FOXJ3: variants seen among roughly 807,000 people sequenced by gnomAD.
FOXJ3 encodes the protein forkhead box protein J3.
Under a neutral mutation model 76.1 loss-of-function variants are expected in FOXJ3, and 22 were observed. That is an observed-to-expected ratio of 0.29 (90% CI 0.21 to 0.41). FOXJ3 has a LOEUF of 0.41. FOXJ3 is among the 10% of genes least tolerant of loss of function. FOXJ3 has a pLI of 1.00. For missense variants in FOXJ3, 613 were observed against 762.1 expected (o/e 0.80, Z 2.30); for synonymous variants, 269 against 261.2 (o/e 1.03, Z -0.29).
intron 4 of FOXJ3, among the ~76,000 whole-genome samples, chr1:42,255,126 A>C (rs551106882): frequency 2.0e-5 from 3 of 152,344 alleles, no homozygotes; most frequent in African/African-American, 4.8e-5. Flanking sequence ...ACAAATCCTA[A>C]GACGGGATTT....
In FOXJ3 at chr1:42,331,518, T is replaced by C. The variant is rs1305011638; in HGVS notation, c.-18+3541A>G. On this transcript the variant is annotated intron_variant, in intron 1 of 12. Coordinates refer to ENST00000361346, the MANE Select transcript of FOXJ3 (RefSeq NM_014947.5). ...GAATGAAATACTGATACATGCTACA[T>C]GGATGGGCCTTGAAACATATGCAAG... Among the ~76,000 whole-genome samples, 6 of 152,230 alleles carry C rather than the reference T, an allele frequency of 3.9e-5. No homozygotes were observed. The East Asian group carries it at 9.6e-4, about 24-fold the overall frequency.
At chr1:42,221,037 T>C (rs1247462129) in intron 5 of FOXJ3, among the ~76,000 whole-genome samples, 1 of 152,220 alleles carries the variant, frequency 6.6e-6, no homozygotes, top group Non-Finnish European at 1.5e-5. Flanking sequence ...GCATAAAACA[T>C]TCTCCAAAAC....
intron 1 of FOXJ3, among the ~76,000 whole-genome samples, chr1:42,332,843 T>G (rs1018575909): frequency 6.6e-6 from 1 of 152,226 alleles, no homozygotes; most frequent in Non-Finnish European, 1.5e-5. Context: ...CTTTGGAAAT[T>G]TGTATCTTTC....
In FOXJ3 at chr1:42,197,303, G is replaced by A. The variant is rs116659565; in HGVS notation, c.759+1799C>T. ...GGAGAATTGCTTAAGCCAGGAGTTC[G>A]AGACCAGTTTGGCCCACTTAGCAAG... On this transcript the variant is annotated intron_variant, in intron 7 of 12. Transcript: ENST00000361346. Among the ~76,000 whole-genome samples, 504 of 152,094 alleles carry A rather than the reference G, an allele frequency of 3.3e-3. 1 individual carries two copies. Among genetic ancestry groups the A allele is most frequent in the African/African-American group, 0.012 (493 of 41,486 alleles).
chr1:42,284,268 T>C (rs1007530022), intron 2 of FOXJ3, among the ~76,000 whole-genome samples: 1 of 152,092 alleles, frequency 6.6e-6, no homozygotes, highest in Non-Finnish European at 1.5e-5. Flanking sequence ...ATACTGACGG[T>C]TGGAAAGCTG....
At chr1:42,190,653 G>GT (rs1646522730) in intron 9 of FOXJ3, among the ~76,000 whole-genome samples, 1 of 152,198 alleles carries the variant, frequency 6.6e-6, no homozygotes, top group Admixed American at 6.5e-5. Flanking sequence ...CACAACTCAG[G>GT]TAGTCAAAAG....
chr1:42,281,724 G>C (rs999414156), intron 2 of FOXJ3, among the ~76,000 whole-genome samples: 9 of 152,170 alleles, frequency 5.9e-5, no homozygotes, highest in African/African-American at 2.2e-4. Context: ...GAGCACAAAA[G>C]ATGACCATTA....
intron 1 of FOXJ3, among the ~76,000 whole-genome samples, chr1:42,328,561 G>A (rs781596836): frequency 6.6e-6 from 1 of 152,014 alleles, no homozygotes; most frequent in Non-Finnish European, 1.5e-5. Flanking sequence ...AATTCTTAGA[G>A]CAACCAAGTG....
rs1434385130 is a variant in FOXJ3, at chr1:42,311,126, G to C, written c.-17-16C>G. The C allele has an allele frequency of 8.3e-6, 13 of 1,561,518 alleles. No individual in the cohort carries two copies. Among genetic ancestry groups the C allele is most frequent in the African/African-American group, 1.4e-5 (1 of 72,328 alleles). On this transcript the variant is annotated splice_polypyrimidine_tract_variant and intron_variant, in intron 1 of 12. Coordinates refer to ENST00000361346, the MANE Select transcript of FOXJ3 (RefSeq NM_014947.5). The stretch of plus-strand genomic sequence containing the variant: ...CAAAGAGAATCTGAAAAGCAAAGAA[G>C]AGTTAGTTATCAGATACTGCAAAGT...
intron 1 of FOXJ3, among the ~76,000 whole-genome samples, chr1:42,334,598 G>A (rs1395076116): frequency 6.6e-6 from 1 of 152,258 alleles, no homozygotes; most frequent in South Asian, 2.1e-4. Context: ...TCCAAGGCGT[G>A]AGGTACAGCC....
intron 2 of FOXJ3, among the ~76,000 whole-genome samples, chr1:42,301,639 T>C (rs1654157016): frequency 6.6e-6 from 1 of 152,242 alleles, no homozygotes; most frequent in Admixed American, 6.5e-5. Flanking sequence ...TATTTTGTAA[T>C]TCTTTCAATG....
chr1:42,229,513 T>C (rs896197160), intron 4 of FOXJ3, among the ~76,000 whole-genome samples: 1 of 152,204 alleles, frequency 6.6e-6, no homozygotes, highest in Non-Finnish European at 1.5e-5. Flanking sequence ...AAGGTAGGTG[T>C]GTACGTCTCA....
intron 1 of FOXJ3, among the ~76,000 whole-genome samples, chr1:42,330,529 T>C (rs1656096319): frequency 6.6e-6 from 1 of 152,126 alleles, no homozygotes; most frequent in Admixed American, 6.5e-5. Context: ...TCCCAGCTAC[T>C]TAGGGGGCTG....
chr1:42,322,560 A>C (rs1184972588), intron 1 of FOXJ3, among the ~76,000 whole-genome samples: 7 of 152,102 alleles, frequency 4.6e-5, no homozygotes, highest in Non-Finnish European at 8.8e-5. Context: ...TATACTCAAA[A>C]GGGCAGTTGG....
intron 5 of FOXJ3, among the ~76,000 whole-genome samples, chr1:42,213,786 G>A (rs1485730941): frequency 1.3e-5 from 2 of 152,130 alleles, no homozygotes; most frequent in Non-Finnish European, 2.9e-5. Flanking sequence ...GAATAGAATG[G>A]TGGTTACCAG....
chr1:42,270,451 A>G (rs1041652149), intron 3 of FOXJ3, among the ~76,000 whole-genome samples: 6 of 152,050 alleles, frequency 3.9e-5, no homozygotes, highest in Admixed American at 6.6e-5. Flanking sequence ...TATCTGTTGG[A>G]AAAAAAATAC....
intron 3 of FOXJ3, 84 bp downstream of exon 3, chr1:42,278,264 T>A (rs760723977): frequency 9.9e-6 from 10 of 1,009,986 alleles, no homozygotes; most frequent in Non-Finnish European, 1.5e-5. Context: ...TTCAATTACA[T>A]GAGCATTCAC....
intron 4 of FOXJ3, among the ~76,000 whole-genome samples, chr1:42,243,184 G>A (rs1445904641): frequency 6.6e-6 from 1 of 152,152 alleles, no homozygotes; most frequent in Non-Finnish European, 1.5e-5. Flanking sequence ...GGGCTTATGG[G>A]AGTCCTACAT....
chr1:42,195,233 A>G (rs999816462), intron 7 of FOXJ3, among the ~76,000 whole-genome samples, 169 bp from the exon 8 acceptor site: 1 of 152,242 alleles, frequency 6.6e-6, no homozygotes, highest in Non-Finnish European at 1.5e-5. Flanking sequence ...AGAAAGCAAA[A>G]CAGCTAAACT....
Sources: allele counts gnomAD v4.1 joint callset (sites outside exome capture counted in the v4.1 genomes callset), GRCh38; gene constraint gnomAD v4.1.1; transcripts MANE v1.5; gene names NCBI Gene and HGNC (gene_info 2026-07-23, HGNC 2026-07-21).